The following EHBP1 variants were observed in gnomAD, a reference collection of about 807,000 sequenced individuals.
EHBP1 encodes EH domain-binding protein 1.
Under a neutral mutation model 144.0 loss-of-function variants are expected in EHBP1, and 55 were observed. That is an observed-to-expected ratio of 0.38 (90% CI 0.31 to 0.48). EHBP1 has a LOEUF of 0.48. Ranked by LOEUF, EHBP1 falls within the 20% of genes least tolerant of loss-of-function variation. EHBP1 has a pLI of 0.98. For synonymous variants in EHBP1, 469 were observed against 472.7 expected (o/e 0.99, Z 0.10); for missense variants, 1,200 against 1,364.2 (o/e 0.88, Z 1.90).
At chr2:62,827,442 C>T (rs2046419566) in intron 6 of EHBP1, among the ~76,000 whole-genome samples, 1 of 152,156 alleles carries the variant, frequency 6.6e-6, no homozygotes, top group African/African-American at 2.4e-5. Context: ...GGGTGGACTT[C>T]CTTCCACTGG....
At chr2:62,835,586 G>A (rs945832848) in intron 7 of EHBP1, among the ~76,000 whole-genome samples, 1 of 152,132 alleles carries the variant, frequency 6.6e-6, no homozygotes. Flanking sequence ...GGTACTGGGT[G>A]CATCTCACTA....
chr2:62,735,748 G>A (rs2152068306), intron 2 of EHBP1, among the ~76,000 whole-genome samples: 1 of 152,196 alleles, frequency 6.6e-6, no homozygotes, highest in African/African-American at 2.4e-5. Flanking sequence ...GTCTGAGAAA[G>A]TCTTTATTTT....
In EHBP1 at chr2:62,815,059, G is replaced by T. The variant is rs140101609; in HGVS notation, c.313-11028G>T. Among the ~76,000 whole-genome samples, 78 of 152,270 alleles carry T rather than the reference G, an allele frequency of 5.1e-4. 1 individual carries two copies. Among genetic ancestry groups the T allele is most frequent in the African/African-American group, 1.7e-3 (70 of 41,564 alleles). On this transcript the variant is annotated intron_variant, in intron 5 of 22. Transcript: ENST00000431489. Reference sequence around the variant, plus strand: ...AACAATAATAGTAATAACTGGAAGGGGAAGTCCAGAAGATAAGGGTTCATC... The same window carrying T: ...AACAATAATAGTAATAACTGGAAGGTGAAGTCCAGAAGATAAGGGTTCATC...
chr2:62,798,268 T>C (rs569068936), intron 5 of EHBP1, among the ~76,000 whole-genome samples: 1 of 151,898 alleles, frequency 6.6e-6, no homozygotes, highest in South Asian at 2.1e-4. Context: ...CTCGGGAGGC[T>C]GAAGCACGAG....
At chr2:62,872,161 C>T (rs1252930560) in intron 9 of EHBP1, 3 of 151,988 alleles carry the variant, frequency 2.0e-5, no homozygotes, top group Non-Finnish European at 4.4e-5. Context: ...TTAAATTAAT[C>T]CTGAACCAAC....
At chr2:62,774,904 T>G (rs1355845942) in intron 5 of EHBP1, among the ~76,000 whole-genome samples, 3 of 152,088 alleles carry the variant, frequency 2.0e-5, no homozygotes, top group African/African-American at 7.2e-5. Flanking sequence ...GCTGTGTAGT[T>G]TACACTCATA....
chr2:62,779,767 T>A (rs2042300479), intron 5 of EHBP1, among the ~76,000 whole-genome samples: 1 of 152,226 alleles, frequency 6.6e-6, no homozygotes, highest in Non-Finnish European at 1.5e-5. Context: ...TTTGGATAAA[T>A]CTAATCAAGA....
chr2:63,038,317 A>G (rs1175249632), intron 20 of EHBP1, among the ~76,000 whole-genome samples: 2 of 152,146 alleles, frequency 1.3e-5, no homozygotes, highest in African/African-American at 4.8e-5. Flanking sequence ...AGAGTTATGA[A>G]GAAGCACAAA....
intron 19 of EHBP1, among the ~76,000 whole-genome samples, chr2:63,005,400 C>T (rs1039684515): frequency 6.6e-6 from 1 of 152,038 alleles, no homozygotes; most frequent in Non-Finnish European, 1.5e-5. Context: ...AGCAACAGCA[C>T]CGGCTGGCTT....
intron 19 of EHBP1, among the ~76,000 whole-genome samples, chr2:63,023,367 G>A (rs933705043): frequency 1.3e-5 from 2 of 152,078 alleles, no homozygotes; most frequent in Non-Finnish European, 2.9e-5. Flanking sequence ...TAGCTTTACA[G>A]GATCAGATTT....
chr2:62,878,370 G>A (rs2051072831), intron 10 of EHBP1, among the ~76,000 whole-genome samples: 1 of 152,072 alleles, frequency 6.6e-6, no homozygotes, highest in African/African-American at 2.4e-5. Flanking sequence ...ATTCATGGCT[G>A]AATTCTACCA....
At chr2:62,695,445 A>G (rs1031277090) in intron 1 of EHBP1, among the ~76,000 whole-genome samples, 2 of 152,236 alleles carry the variant, frequency 1.3e-5, no homozygotes, top group African/African-American at 2.4e-5. Flanking sequence ...CATTCTAGAA[A>G]TAAAACGTTT....
At chr2:62,931,771 G>A (rs2056009653) in intron 10 of EHBP1, among the ~76,000 whole-genome samples, 1 of 152,172 alleles carries the variant, frequency 6.6e-6, no homozygotes, top group Non-Finnish European at 1.5e-5. Flanking sequence ...CCACCTGTTA[G>A]TCACTTAGTA....
intron 11 of EHBP1, among the ~76,000 whole-genome samples, chr2:62,943,147 C>G (rs546551735): frequency 6.6e-6 from 1 of 152,066 alleles, no homozygotes; most frequent in Non-Finnish European, 1.5e-5. Flanking sequence ...GAGGCCAAGG[C>G]GGGTGGATCA....
At chr2:62,697,590 G>A (rs2034145976) in intron 1 of EHBP1, among the ~76,000 whole-genome samples, 1 of 152,172 alleles carries the variant, frequency 6.6e-6, no homozygotes, top group African/African-American at 2.4e-5. Context: ...TCTAATAGAA[G>A]AGAAATATGA....
chr2:62,726,798 A>T (rs768478855), intron 2 of EHBP1: 2 of 152,154 alleles, frequency 1.3e-5, no homozygotes, highest in African/African-American at 4.8e-5. Flanking sequence ...ATTTCACACT[A>T]TAAAATCCTC....
chr2:62,995,553 A>G (rs2059596189), intron 18 of EHBP1, among the ~76,000 whole-genome samples: 1 of 152,084 alleles, frequency 6.6e-6, no homozygotes, highest in African/African-American at 2.4e-5. Flanking sequence ...TAAGAGATTC[A>G]CATGCTAGGA....
intron 7 of EHBP1, among the ~76,000 whole-genome samples, chr2:62,857,872 AC>A (rs949743226): frequency 2.2e-4 from 34 of 152,156 alleles, no homozygotes; most frequent in African/African-American, 7.2e-4. Context: ...TAAAAAAAAA[AC>A]AGTAGTAGAA....
chr2:62,771,615 A>G lies in EHBP1; in HGVS notation c.312+223A>G, dbSNP rs906504869. On this transcript the variant is annotated intron_variant, in intron 5 of 22. Coordinates refer to ENST00000431489, the MANE Select transcript of EHBP1 (RefSeq NM_001142616.3). ...AAGTCTTCAATACTAAATTGTATGTATGTTTGTATGTATGCGTGTGTATAT... is the reference window on the plus strand; with the variant it reads ...AAGTCTTCAATACTAAATTGTATGTGTGTTTGTATGTATGCGTGTGTATAT... The G allele has an allele frequency of 1.9e-4, 65 of 335,568 alleles. No homozygotes were observed. The East Asian group carries it at 2.2e-3, about 11-fold the overall frequency. The allele number at this position is 335,568 out of a possible 1,614,324, so 20.8% of individuals were successfully genotyped here. A position where few individuals can be genotyped will look rare whatever the true frequency, so the allele number is the denominator to read the frequency against.
Sources: allele counts gnomAD v4.1 joint callset (sites outside exome capture counted in the v4.1 genomes callset), GRCh38; gene constraint gnomAD v4.1.1; transcripts MANE v1.5; gene names NCBI Gene and HGNC (gene_info 2026-07-23, HGNC 2026-07-21).